STXBP5L: variants seen among roughly 807,000 people sequenced by gnomAD.
The protein encoded by STXBP5L is syntaxin binding protein 5L, also known as syntaxin-binding protein 5-like.
In STXBP5L, 65 loss-of-function variants were observed where a neutral mutation model predicts 144.5. The observed-to-expected ratio is 0.45, with a 90% CI of 0.37 to 0.55. The LOEUF is 0.55. Ranked by LOEUF, STXBP5L falls within the 20% of genes least tolerant of loss-of-function variation. The pLI, the probability that STXBP5L is intolerant of heterozygous loss-of-function variation, is 0.00. For synonymous variants in STXBP5L, 505 were observed against 469.6 expected, an observed-to-expected ratio of 1.08 and a Z score of -0.97; for missense variants, 1,298 against 1,405.5, an observed-to-expected ratio of 0.92 and a Z score of 1.22.
chr3:121,225,195 T>A (rs192874519), intron 11 of STXBP5L, among the ~76,000 whole-genome samples: 1 of 152,154 alleles, frequency 6.6e-6, no homozygotes, highest in Non-Finnish European at 1.5e-5. Flanking sequence ...CCAGAAACTT[T>A]CCTAATCTAG....
At chr3:121,091,480 G>A (rs2042791036) in intron 5 of STXBP5L, among the ~76,000 whole-genome samples, 1 of 152,080 alleles carries the variant, frequency 6.6e-6, no homozygotes, top group Non-Finnish European at 1.5e-5. Flanking sequence ...TCTAACTGGT[G>A]TGAGATGATA....
At chr3:121,000,616 T>C (rs1943695175) in intron 3 of STXBP5L, among the ~76,000 whole-genome samples, 1 of 152,220 alleles carries the variant, frequency 6.6e-6, no homozygotes, top group Admixed American at 6.5e-5. Flanking sequence ...ATGTCTGTCA[T>C]TTCAGCCATT....
chr3:121,225,747 C>T (rs1027906134), intron 11 of STXBP5L, among the ~76,000 whole-genome samples: 1 of 152,188 alleles, frequency 6.6e-6, no homozygotes, highest in Non-Finnish European at 1.5e-5. Flanking sequence ...TTTATTATTC[C>T]CTTGGTCTGT....
intron 20 of STXBP5L, among the ~76,000 whole-genome samples, chr3:121,347,346 G>T (rs973488217): frequency 1.2e-4 from 18 of 152,138 alleles, no homozygotes; most frequent in Non-Finnish European, 5.9e-5. Flanking sequence ...TGCTGTTTTG[G>T]TTACTGTAGC....
chr3:121,234,362 T>C (rs1372280954), intron 12 of STXBP5L, among the ~76,000 whole-genome samples: 3 of 152,176 alleles, frequency 2.0e-5, no homozygotes, highest in Non-Finnish European at 4.4e-5. Flanking sequence ...CATTTTTTCT[T>C]CTTATTAATA....
At chr3:121,190,064 T>G (rs7644591) in intron 9 of STXBP5L, among the ~76,000 whole-genome samples, 15,034 of 151,996 alleles carry the variant, frequency 0.099, 1,170 homozygotes, top group Admixed American at 0.2. Context: ...TTTTTTTTAA[T>G]TTTTTTAGTA....
At chr3:120,993,398 G>A (rs982870921) in intron 3 of STXBP5L, among the ~76,000 whole-genome samples, 1 of 151,894 alleles carries the variant, frequency 6.6e-6, no homozygotes, top group Non-Finnish European at 1.5e-5. Flanking sequence ...ACCATGTACT[G>A]CAGTGTTTCC....
At chr3:121,187,240 T>C (rs1322492351) in intron 9 of STXBP5L, among the ~76,000 whole-genome samples, 2 of 152,162 alleles carry the variant, frequency 1.3e-5, no homozygotes, top group African/African-American at 2.4e-5. Flanking sequence ...GATGAGTTCA[T>C]GTCCTTTGTA....
chr3:121,191,920 G>A (rs1161010467), intron 9 of STXBP5L, among the ~76,000 whole-genome samples: 1 of 150,402 alleles, frequency 6.6e-6, no homozygotes, highest in Non-Finnish European at 1.5e-5. Flanking sequence ...CACAGGGTGG[G>A]GAACATCACA....
At chr3:121,267,475 C>G (rs562229731) in intron 18 of STXBP5L, among the ~76,000 whole-genome samples, 2 of 152,118 alleles carry the variant, frequency 1.3e-5, no homozygotes, top group Non-Finnish European at 2.9e-5. Context: ...AAAACCTAGG[C>G]AATACCATTC....
rs144834477 is a variant in STXBP5L, at chr3:121,005,315, C to G, written c.288-36385C>G. ...GTGTCCAGGAATTTATCCATTTCTT[C>G]TAGATTTTCTAGTTTATTTGCATAG... On this transcript the variant is annotated intron_variant, in intron 3 of 26. Coordinates refer to ENST00000471454, the MANE Select transcript of STXBP5L (RefSeq NM_001308330.2). Among the ~76,000 whole-genome samples, 240 of 152,248 alleles carry G rather than the reference C, an allele frequency of 1.6e-3. 1 individual carries two copies. Among genetic ancestry groups the G allele is most frequent in the African/African-American group, 5.6e-3 (232 of 41,534 alleles).
intron 10 of STXBP5L, among the ~76,000 whole-genome samples, chr3:121,217,593 G>T (rs963563314): frequency 6.6e-6 from 1 of 152,086 alleles, no homozygotes; most frequent in Non-Finnish European, 1.5e-5. Context: ...TGTTGATGTC[G>T]CTGGGAGCTG....
intron 5 of STXBP5L, among the ~76,000 whole-genome samples, chr3:121,055,873 T>A (rs1948425100): frequency 7.0e-6 from 1 of 143,800 alleles, no homozygotes; most frequent in South Asian, 2.2e-4. Context: ...TTTTTTTTTT[T>A]GTAGAAACAG....
chr3:121,281,155 G>A (rs888049876), intron 19 of STXBP5L, among the ~76,000 whole-genome samples: 1 of 151,748 alleles, frequency 6.6e-6, no homozygotes, highest in African/African-American at 2.4e-5. Context: ...AATGAAACTT[G>A]TTATACTGAA....
chr3:121,020,388 A>G (rs546210470), intron 3 of STXBP5L, among the ~76,000 whole-genome samples: 11 of 152,342 alleles, frequency 7.2e-5, no homozygotes, highest in Non-Finnish European at 1.3e-4. Flanking sequence ...AGATCTAGAC[A>G]TCCAAATACG....
chr3:121,343,865 C>T (rs1256194469), intron 20 of STXBP5L, among the ~76,000 whole-genome samples: 2 of 151,962 alleles, frequency 1.3e-5, no homozygotes, highest in Non-Finnish European at 2.9e-5. Context: ...ATCAGGCTAC[C>T]AATGACTTTC....
chr3:121,327,643 C>CA (rs771302690), intron 20 of STXBP5L, among the ~76,000 whole-genome samples: 9 of 152,028 alleles, frequency 5.9e-5, no homozygotes, highest in Non-Finnish European at 8.8e-5. Flanking sequence ...TATTTTGTTT[C>CA]TTTTTTTAGT....
At chr3:121,297,966 C>G (rs913799512) in intron 19 of STXBP5L, among the ~76,000 whole-genome samples, 3 of 152,132 alleles carry the variant, frequency 2.0e-5, no homozygotes, top group Non-Finnish European at 4.4e-5. Flanking sequence ...CTTTGAGAAT[C>G]CTGTTTTCAA....
intron 3 of STXBP5L, among the ~76,000 whole-genome samples, chr3:121,024,193 A>G (rs1016201671): frequency 6.6e-6 from 1 of 152,242 alleles, no homozygotes; most frequent in Admixed American, 6.5e-5. Context: ...ATTGCTGTCC[A>G]CAAGCTTAAA....
Sources: gnomAD v4.1 joint callset for allele counts (sites outside exome capture counted in the v4.1 genomes callset) on GRCh38, gnomAD v4.1.1 for gene constraint, MANE v1.5 for transcripts, NCBI Gene and HGNC (gene_info 2026-07-23, HGNC 2026-07-21) for gene names.